The following FIGN variants were observed in gnomAD, a reference collection of about 807,000 sequenced individuals.
FIGN encodes fidgetin.
In FIGN, 11 loss-of-function variants were observed where a neutral mutation model predicts 51.3. The ratio of observed to expected loss-of-function variants is 0.21; its 90% CI spans 0.13 to 0.35. The LOEUF (loss-of-function observed/expected upper bound fraction) is 0.35, where lower values mean the gene tolerates loss of function less well. FIGN is among the 10% of genes least tolerant of loss of function. The pLI is 1.00. For missense variants in FIGN, 857 were observed against 943.6 expected (o/e 0.91, Z 1.20); for synonymous variants, 407 against 363.2 (o/e 1.12, Z -1.37).
At chr2:163,642,294 T>C (rs1683317406) in intron 2 of FIGN, among the ~76,000 whole-genome samples, 1 of 152,196 alleles carries the variant, frequency 6.6e-6, no homozygotes, top group South Asian at 2.1e-4. Context: ...AATGACTGCT[T>C]CCCAAAAGCT....
chr2:163,733,942 C>CA (rs36027114), intron 2 of FIGN, among the ~76,000 whole-genome samples: 10,460 of 100,054 alleles, frequency 0.1, 566 homozygotes, highest in Admixed American at 0.13. Flanking sequence ...TAGCAACAAC[C>CA]AAAAAAAAAA....
chr2:163,668,865 C>T (rs953251358), intron 2 of FIGN, among the ~76,000 whole-genome samples: 10 of 151,720 alleles, frequency 6.6e-5, no homozygotes, highest in African/African-American at 1.2e-4. Flanking sequence ...GGCGTGAACC[C>T]GGGAGGCGGA....
intron 2 of FIGN, among the ~76,000 whole-genome samples, chr2:163,680,265 C>T (rs1318151915): frequency 6.6e-6 from 1 of 152,168 alleles, no homozygotes; most frequent in African/African-American, 2.4e-5. Context: ...TATCATCTGG[C>T]TCCTTTTGTC....
intron 2 of FIGN, among the ~76,000 whole-genome samples, chr2:163,671,147 C>T (rs1222746450): frequency 6.6e-6 from 1 of 152,200 alleles, no homozygotes; most frequent in Non-Finnish European, 1.5e-5. Context: ...TGCCCACTTT[C>T]TATGAGTGCT....
intron 2 of FIGN, among the ~76,000 whole-genome samples, chr2:163,734,203 T>A (rs928850526): frequency 6.6e-6 from 1 of 151,812 alleles, no homozygotes; most frequent in Non-Finnish European, 1.5e-5. Flanking sequence ...AAGTTAAAAG[T>A]AAAAAGCGCT....
At chr2:163,707,313 G>A (rs763280703) in intron 2 of FIGN, among the ~76,000 whole-genome samples, 1 of 151,462 alleles carries the variant, frequency 6.6e-6, no homozygotes, top group East Asian at 2.0e-4. Flanking sequence ...TCAAGATCGC[G>A]CCACTGCACT....
intron 2 of FIGN, among the ~76,000 whole-genome samples, chr2:163,664,255 G>A (rs1190093598): frequency 5.3e-5 from 8 of 152,086 alleles, no homozygotes; most frequent in African/African-American, 1.4e-4. Context: ...GTTGAAGATC[G>A]TTCTGTTGTT....
chr2:163,652,360 A>AC (rs1491147220), intron 2 of FIGN, among the ~76,000 whole-genome samples: 25,001 of 114,206 alleles, frequency 0.22, 2,747 homozygotes, highest in East Asian at 0.37. Flanking sequence ...ACACACACAC[A>AC]AACACACACA....
At chr2:163,705,969 G>T (rs1293847435) in intron 2 of FIGN, among the ~76,000 whole-genome samples, 1 of 152,066 alleles carries the variant, frequency 6.6e-6, no homozygotes, top group Non-Finnish European at 1.5e-5. Flanking sequence ...AAACTTACAT[G>T]TTGCAAGAAA....
At chr2:163,695,105 A>T (rs1296937052) in intron 2 of FIGN, among the ~76,000 whole-genome samples, 1 of 152,132 alleles carries the variant, frequency 6.6e-6, no homozygotes, top group Non-Finnish European at 1.5e-5. Flanking sequence ...GTCAATTTTC[A>T]GAATGTCCAA....
intron 2 of FIGN, among the ~76,000 whole-genome samples, chr2:163,668,025 C>CCCCA (rs1553498965): frequency 7.6e-5 from 11 of 144,534 alleles, no homozygotes; most frequent in East Asian, 6.1e-4. Flanking sequence ...CCCCCCCCCC[C>CCCCA]AAAAAACCCT....
At chr2:163,685,230 A>T (rs1684128563) in intron 2 of FIGN, among the ~76,000 whole-genome samples, 1 of 152,122 alleles carries the variant, frequency 6.6e-6, no homozygotes, top group Non-Finnish European at 1.5e-5. Context: ...TTAGACTTTG[A>T]ATTCAGAATC....
Position 163,610,366 on chromosome 2 carries a change from G to C in FIGN, c.1466C>G (p.Ala489Gly). 2 of 1,614,166 alleles carry C rather than the reference G, an allele frequency of 1.2e-6. No homozygotes were observed. The highest frequency in any genetic ancestry group is 1.7e-6 in the Non-Finnish European group (2 of 1,180,030). Reference protein sequence around the residue: ...QGPPVDWNDIAGLDLVKAVIK... With the variant: ...QGPPVDWNDIGGLDLVKAVIK... ...GACAGCCTTCACCAGGTCGAGACCA[G>C]CAATGTCATTCCAGTCCACTGGAGG... Residue 489 changes from alanine to glycine, a missense_variant, in exon 3 of 3, where the codon GCT becomes GGT. By Grantham distance (60) the Ala-to-Gly change is moderately conservative. Around this residue, in one of 3 missense-constraint regions of FIGN, gnomAD observed 799 missense variants for 849.5 expected, o/e 0.94. Coordinates refer to ENST00000333129, the MANE Select transcript of FIGN (RefSeq NM_018086.4).
chr2:163,733,942 CAA>C (rs36027114), intron 2 of FIGN, among the ~76,000 whole-genome samples: 6,651 of 100,236 alleles, frequency 0.066, 163 homozygotes, highest in Middle Eastern at 0.14. Context: ...TAGCAACAAC[CAA>C]AAAAAAAAAA....
chr2:163,726,623 A>T (rs6432772), intron 2 of FIGN, among the ~76,000 whole-genome samples: 151,811 of 152,136 alleles, frequency 1, 75,752 homozygotes, highest in Middle Eastern at 1. Flanking sequence ...GTTAACCTAA[A>T]TACTCATAAA....
At chr2:163,641,997 A>T (rs144344563) in intron 2 of FIGN, among the ~76,000 whole-genome samples, 1,548 of 152,332 alleles carry the variant, frequency 0.01, 22 homozygotes, top group Middle Eastern at 0.048. Flanking sequence ...ATACTGTCAA[A>T]CTGTCTTATT....
rs1302295067 is a variant in FIGN at position 163,691,068 on chromosome 2, C to A, written c.25+43835G>T. 2.6e-5 allele frequency among the ~76,000 whole-genome samples: 4 copies of A among 152,044 alleles called. No homozygotes were observed. In the East Asian group the frequency reaches 7.7e-4, roughly 29 times the overall value. On this transcript the variant is annotated intron_variant, in intron 2 of 2. Coordinates refer to ENST00000333129, the MANE Select transcript of FIGN (RefSeq NM_018086.4). Reference sequence around the variant, plus strand: ...TTTGCTTAGAGTGAGGATCATGGGACTCAAAAATAAACTTTTTCCCAAAGG... The same window carrying A: ...TTTGCTTAGAGTGAGGATCATGGGAATCAAAAATAAACTTTTTCCCAAAGG...
chr2:163,621,541 T>C (rs1682972560), intron 2 of FIGN, among the ~76,000 whole-genome samples: 1 of 152,162 alleles, frequency 6.6e-6, no homozygotes, highest in Non-Finnish European at 1.5e-5. Context: ...GAAGATAAAC[T>C]GATTTAGAAT....
chr2:163,654,792 A>G (rs1683533594), intron 2 of FIGN, among the ~76,000 whole-genome samples: 1 of 152,202 alleles, frequency 6.6e-6, no homozygotes, highest in African/African-American at 2.4e-5. Context: ...TGCTCGTATC[A>G]AAATATCTCA....
Sources: gnomAD v4.1 joint callset for allele counts (sites outside exome capture counted in the v4.1 genomes callset) on GRCh38, gnomAD v4.1.1 for gene constraint, gnomAD v4.1.1 regional missense constraint, MANE v1.5 for transcripts, NCBI Gene and HGNC (gene_info 2026-07-23, HGNC 2026-07-21) for gene names.